BRF1: variants seen among roughly 807,000 people sequenced by gnomAD.
The protein encoded by BRF1 is BRF1 general transcription factor IIIB subunit.
BRF1 carries 59 observed loss-of-function variants against 81.7 expected under a neutral mutation model. That is an observed-to-expected ratio of 0.72 (90% confidence interval 0.59 to 0.90). The LOEUF (loss-of-function observed/expected upper bound fraction) is 0.90, where lower values mean the gene tolerates loss of function less well. Ranked by LOEUF, BRF1 falls within the 40% of genes least tolerant of loss-of-function variation. BRF1 has a pLI of 0.00. For synonymous variants in BRF1, 491 were observed against 395.6 expected (o/e 1.24, Z -2.86); for missense variants, 1,050 against 936.3 (o/e 1.12, Z -1.58).
rs587677753 is a variant in BRF1, at chr14:105,284,457, C to G, written c.265+1839G>C. Among the ~76,000 whole-genome samples, 2 of 152,288 alleles carry G rather than the reference C, an allele frequency of 1.3e-5. No individual in the cohort carries two copies. The highest frequency in any genetic ancestry group is 4.8e-5 in the African/African-American group (2 of 41,556). ...CAGCAGCCAGGAGCAGAGGCAGGTGCTCAAGAGCCCGGCCTCCTGGAGATG... is the reference window on the plus strand; with the variant it reads ...CAGCAGCCAGGAGCAGAGGCAGGTGGTCAAGAGCCCGGCCTCCTGGAGATG... On this transcript the variant is annotated intron_variant, in intron 2 of 17. Transcript: ENST00000547530. The surrounding 1 kb of genome is among the most constrained non-coding windows in gnomAD (Gnocchi z 4.0).
At chr14:105,218,334 T>C (rs979607066) in intron 14 of BRF1, among the ~76,000 whole-genome samples, 3 of 152,164 alleles carry the variant, frequency 2.0e-5, no homozygotes, top group African/African-American at 7.2e-5. Flanking sequence ...CACGATGACC[T>C]TCCTGCGTGG....
At chr14:105,260,122 A>G (rs1172660295) in intron 3 of BRF1, among the ~76,000 whole-genome samples, 2 of 152,112 alleles carry the variant, frequency 1.3e-5, no homozygotes, top group Non-Finnish European at 2.9e-5. Context: ...CTCCAGATGG[A>G]GCAATTAGGG....
intron 15 of BRF1, among the ~76,000 whole-genome samples, chr14:105,214,844 C>T (rs1278284318): frequency 6.6e-6 from 1 of 152,190 alleles, no homozygotes; most frequent in Non-Finnish European, 1.5e-5. Context: ...CACGTCGGAG[C>T]CTCAGCCTCT....
intron 1 of BRF1, among the ~76,000 whole-genome samples, chr14:105,291,368 T>G (rs1775017188): frequency 3.3e-5 from 5 of 152,250 alleles, no homozygotes. Context: ...ACCTTTAATA[T>G]TCACGTGCTC....
At chr14:105,214,016 C>T (rs953557315) in intron 15 of BRF1, among the ~76,000 whole-genome samples, 4 of 152,254 alleles carry the variant, frequency 2.6e-5, no homozygotes, top group Non-Finnish European at 5.9e-5. Flanking sequence ...CGGGGGTCCC[C>T]AGCCAGGGGC....
At chr14:105,224,607 G>A (rs1892796124) in intron 10 of BRF1, among the ~76,000 whole-genome samples, 1 of 152,202 alleles carries the variant, frequency 6.6e-6, no homozygotes, top group African/African-American at 2.4e-5. Context: ...GGAATACAGT[G>A]GTGCAATCAT....
chr14:105,222,494 C>T (rs1220126947), intron 10 of BRF1: 1 of 152,322 alleles, frequency 6.6e-6, no homozygotes, highest in Non-Finnish European at 1.5e-5. Flanking sequence ...CAAATGAAAC[C>T]ACCCCAAGCT....
chr14:105,242,402 A>C (rs2054744057), intron 5 of BRF1: 1 of 152,194 alleles, frequency 6.6e-6, no homozygotes, highest in Non-Finnish European at 1.5e-5. Context: ...ATTTTCAATA[A>C]GATACAATCA....
rs2141649345 is a variant in BRF1, at chr14:105,240,699, CAA to C, written c.694+564_694+565del. ...AGCCCTGTGGCACCCTCAGGAGCAACAACCTAGCATCTCAGGAGAGAGAGGCC... is the reference window on the plus strand; with the variant it reads ...AGCCCTGTGGCACCCTCAGGAGCAACCCTAGCATCTCAGGAGAGAGAGGCC... On this transcript the variant is annotated intron_variant, in intron 6 of 17. Transcript: ENST00000547530. 1.3e-3 allele frequency among the ~76,000 whole-genome samples: 12 copies of C among 9,102 alleles called. 2 individuals are homozygous for C. Among genetic ancestry groups the C allele is most frequent in the South Asian group, 8.0e-3 (2 of 250 alleles). 6.0% of individuals were successfully genotyped at this position (9,102 alleles called of 152,430 possible).
At chr14:105,242,088 C>G (rs587732927) in intron 5 of BRF1, 1 of 152,744 alleles carries the variant, frequency 6.5e-6, no homozygotes, top group Admixed American at 6.5e-5. Context: ...TGTGCCCCAC[C>G]AGGCTCAGGT....
chr14:105,254,168 ACACTG>A (rs768474201), intron 4 of BRF1, among the ~76,000 whole-genome samples: 1 of 152,250 alleles, frequency 6.6e-6, no homozygotes, highest in Non-Finnish European at 1.5e-5. Flanking sequence ...TGAGACCTGA[ACACTG>A]CAAGTGAGGA....
intron 5 of BRF1, among the ~76,000 whole-genome samples, chr14:105,252,121 C>T (rs923462616): frequency 2.0e-5 from 3 of 152,174 alleles, no homozygotes; most frequent in African/African-American, 7.2e-5. Flanking sequence ...ACTTGTTTCC[C>T]TGTCTACACC....
chr14:105,247,443 C>T, intron 5 of BRF1: 1 of 985,398 alleles, frequency 1.0e-6, no homozygotes, highest in Non-Finnish European at 1.2e-6. Flanking sequence ...GTCCTTTGCC[C>T]GTTTTTTAAA....
Position 105,272,866 on chromosome 14 carries a change from G to T in BRF1, c.294C>A (p.Asn98Lys), listed in dbSNP as rs1387807961. The stretch of plus-strand genomic sequence containing the variant: ...GGCAGTGCTGGTTCAGCTGCAGCTG[G>T]TTCCCCAGGTGGTGGATGTGGCGCC... ...NGRRHIHHLGNQLQLNQHCLD... is the reference protein window; with the variant it reads ...NGRRHIHHLGKQLQLNQHCLD... The change falls in exon 3 of 18, where the codon AAC (asparagine) becomes AAA (lysine). Residue 98 changes from asparagine (N) to lysine (K), a missense_variant. Asn to Lys is a moderately conservative substitution (Grantham distance 94). This residue lies in a region of BRF1 where 1,043 missense variants were observed against 915.4 expected (regional missense o/e 1.14). Transcript: ENST00000547530. 1.9e-6 allele frequency: 3 copies of T among 1,613,376 alleles called. No individual in the cohort carries two copies. The highest frequency in any genetic ancestry group is 2.5e-6 in the Non-Finnish European group (3 of 1,179,512).
intron 16 of BRF1, 80 bp downstream of exon 16, chr14:105,212,033 C>A (rs1890199625): frequency 6.4e-7 from 1 of 1,566,222 alleles, no homozygotes; most frequent in South Asian, 1.2e-5. Flanking sequence ...TCCCTGTGGT[C>A]ACAGACCAAG....
chr14:105,300,763 G>T lies in BRF1; in HGVS notation c.-134C>A. The stretch of plus-strand genomic sequence containing the variant: ...GCTCTCGCGAGGCCCCGCTCCAGCC[G>T]ATTCGCAGCCGCAGATTCGCCGCGC... On this transcript the variant is annotated 5_prime_UTR_variant, in exon 1 of 18. Transcript: ENST00000547530. 1 of 663,336 alleles carries T rather than the reference G, an allele frequency of 1.5e-6. No individual in the cohort carries two copies. The highest frequency in any genetic ancestry group is 7.4e-5 in the South Asian group (1 of 13,598). 41.1% of individuals were successfully genotyped at this position (663,336 alleles called of 1,614,324 possible). A position where few individuals can be genotyped will look rare whatever the true frequency, so the allele number is the denominator to read the frequency against.
At chr14:105,255,944 T>C (rs982236862) in intron 4 of BRF1, among the ~76,000 whole-genome samples, 3 of 151,950 alleles carry the variant, frequency 2.0e-5, no homozygotes, top group Admixed American at 6.6e-5. Flanking sequence ...CTGGGCAACA[T>C]AGCAAGACCC....
chr14:105,215,255 C>T (rs1289304668), intron 15 of BRF1, among the ~76,000 whole-genome samples: 16 of 151,862 alleles, frequency 1.1e-4, no homozygotes, highest in Non-Finnish European at 1.9e-4. Context: ...ACAGTGTATA[C>T]AGACACATGC....
chr14:105,275,664 C>T (rs1435583505), intron 2 of BRF1, among the ~76,000 whole-genome samples: 1 of 152,226 alleles, frequency 6.6e-6, no homozygotes, highest in Non-Finnish European at 1.5e-5. Flanking sequence ...GGCTGGGACT[C>T]GATCCCAAGC....
Sources: allele counts gnomAD v4.1 joint callset (sites outside exome capture counted in the v4.1 genomes callset), GRCh38; gene constraint gnomAD v4.1.1; regional missense constraint gnomAD v4.1.1; non-coding constraint Gnocchi (gnomAD v3.1); transcripts MANE v1.5; gene names NCBI Gene and HGNC (gene_info 2026-07-23, HGNC 2026-07-21).